The following GRIK2 variants were observed in gnomAD, a reference collection of about 807,000 sequenced individuals.
GRIK2 encodes the protein glutamate receptor ionotropic, kainate 2.
A neutral mutation model predicts 100.3 loss-of-function variants in GRIK2; 32 were observed. The ratio of observed to expected loss-of-function variants is 0.32; its 90% confidence interval spans 0.24 to 0.43. The LOEUF is 0.43. Ranked by LOEUF, GRIK2 falls within the 20% of genes least tolerant of loss-of-function variation. The probability of loss-of-function intolerance (pLI) is 1.00; values close to 1 mark genes in which losing one functional copy is unlikely to be tolerated. For synonymous variants in GRIK2, 417 were observed against 389.4 expected (o/e 1.07, Z -0.83); for missense variants, 843 against 1,114.9 (o/e 0.76, Z 3.47).
intron 14 of GRIK2, among the ~76,000 whole-genome samples, chr6:102,001,363 C>T (rs182816633): frequency 7.9e-5 from 12 of 151,860 alleles, no homozygotes; most frequent in Non-Finnish European, 1.6e-4. Flanking sequence ...CCTTGTTCCC[C>T]ACCCCCCGAC....
rs6908207 is a variant in GRIK2, at chr6:101,575,185, A to G, written c.116-46764A>G. ...AACGAAATTCTCCCCAACTCTCAAA[A>G]AATTAAGTTCCTCTATGATAGATGG... On this transcript the variant is annotated intron_variant, in intron 2 of 16. Coordinates refer to ENST00000369134, the MANE Select transcript of GRIK2 (RefSeq NM_021956.5). Among the ~76,000 whole-genome samples the G allele has an allele frequency of 5.2e-3, 790 of 151,992 alleles. 10 individuals are homozygous for G. The highest frequency in any genetic ancestry group is 0.018 in the African/African-American group (760 of 41,546).
At chr6:101,851,859 G>A (rs1298810738) in intron 10 of GRIK2, among the ~76,000 whole-genome samples, 2 of 151,008 alleles carry the variant, frequency 1.3e-5, no homozygotes, top group East Asian at 3.9e-4. Flanking sequence ...GTTTGGAAAT[G>A]GTCAGTAAGA....
intron 4 of GRIK2, among the ~76,000 whole-genome samples, chr6:101,635,288 A>G (rs1780950163): frequency 6.6e-6 from 1 of 152,114 alleles, no homozygotes; most frequent in African/African-American, 2.4e-5. Flanking sequence ...ACAGTTGGTT[A>G]TGCTTGAACT....
At chr6:101,564,603 A>G (rs922396607) in intron 2 of GRIK2, among the ~76,000 whole-genome samples, 1 of 152,104 alleles carries the variant, frequency 6.6e-6, no homozygotes, top group African/African-American at 2.4e-5. Flanking sequence ...AGTTGACCAA[A>G]CTGTCATCTC....
At position 101,454,097 on chromosome 6, in the gene GRIK2, A is replaced by G. The variant is rs1338167; in HGVS notation, c.115+54705A>G. Among the ~76,000 whole-genome samples the G allele has an allele frequency of 5.9e-5, 9 of 151,984 alleles. 1 individual carries two copies. The South Asian group carries it at 1.5e-3, about 25-fold the overall frequency. ...GTTATTCCTACCGTAGACTGAAGGAAGAAGGCCGATTTTCCTGTTGCCTCC... is the reference window on the plus strand; with the variant it reads ...GTTATTCCTACCGTAGACTGAAGGAGGAAGGCCGATTTTCCTGTTGCCTCC... On this transcript the variant is annotated intron_variant, in intron 2 of 16. Transcript: ENST00000369134.
At chr6:101,815,680 C>T (rs1002946552) in intron 9 of GRIK2, among the ~76,000 whole-genome samples, 15 of 151,474 alleles carry the variant, frequency 9.9e-5, no homozygotes, top group African/African-American at 3.2e-4. Flanking sequence ...TAGTGGTTCC[C>T]GAATAGACAA....
chr6:101,397,309 A>C (rs1379689776), intron 1 of GRIK2, among the ~76,000 whole-genome samples: 2 of 152,222 alleles, frequency 1.3e-5, no homozygotes, highest in African/African-American at 2.4e-5. Context: ...AACAAACAGA[A>C]TGGAATAAAT....
intron 2 of GRIK2, among the ~76,000 whole-genome samples, chr6:101,446,207 A>T (rs953360663): frequency 8.6e-5 from 13 of 151,912 alleles, no homozygotes; most frequent in Non-Finnish European, 1.5e-5. Flanking sequence ...ACTGCTCTGT[A>T]TCTAGTTAGG....
At chr6:101,993,272 T>C (rs919670687) in intron 14 of GRIK2, 1 of 151,426 alleles carries the variant, frequency 6.6e-6, no homozygotes, top group African/African-American at 2.4e-5. Flanking sequence ...TTACATGACC[T>C]ATGATTAATC....
At chr6:101,875,092 T>A (rs1244290954) in intron 11 of GRIK2, among the ~76,000 whole-genome samples, 6 of 152,114 alleles carry the variant, frequency 3.9e-5, no homozygotes, top group Non-Finnish European at 7.3e-5. Flanking sequence ...TTTATTTCTT[T>A]CTCCTGCCTG....
At chr6:102,001,337 C>T (rs909842195) in intron 14 of GRIK2, among the ~76,000 whole-genome samples, 1 of 151,828 alleles carries the variant, frequency 6.6e-6, no homozygotes, top group African/African-American at 2.4e-5. Flanking sequence ...GGTATTTGTC[C>T]CAATGCTCTC....
chr6:101,472,245 A>G (rs1771981920), intron 2 of GRIK2, among the ~76,000 whole-genome samples: 2 of 151,800 alleles, frequency 1.3e-5, no homozygotes, highest in Non-Finnish European at 3.0e-5. Context: ...GGAAATTTCC[A>G]TGCCAAAAAT....
chr6:101,487,401 G>A (rs1266839187), intron 2 of GRIK2, among the ~76,000 whole-genome samples: 1 of 146,112 alleles, frequency 6.8e-6, no homozygotes, highest in African/African-American at 2.6e-5. Flanking sequence ...TTTAAAACTG[G>A]AGGTAATATT....
intron 4 of GRIK2, among the ~76,000 whole-genome samples, chr6:101,674,771 C>G (rs1246931507): frequency 6.6e-6 from 1 of 152,116 alleles, no homozygotes; most frequent in Non-Finnish European, 1.5e-5. Flanking sequence ...ATTTTTGCAG[C>G]TGTTATGTGT....
chr6:101,957,796 A>G (rs1397231304), intron 14 of GRIK2, among the ~76,000 whole-genome samples: 1 of 152,034 alleles, frequency 6.6e-6, no homozygotes. Context: ...TCTTTTCTCC[A>G]GTGTATACTT....
chr6:101,849,116 A>G (rs1783970763), intron 10 of GRIK2, among the ~76,000 whole-genome samples: 1 of 151,968 alleles, frequency 6.6e-6, no homozygotes, highest in South Asian at 2.1e-4. Context: ...GCTGCCTTAT[A>G]CTATCTAGTA....
chr6:101,753,951 T>A (rs1359775359), intron 7 of GRIK2, among the ~76,000 whole-genome samples: 1 of 152,106 alleles, frequency 6.6e-6, no homozygotes, highest in Non-Finnish European at 1.5e-5. Flanking sequence ...ATTAATGTTT[T>A]TGAATTAATT....
intron 14 of GRIK2, among the ~76,000 whole-genome samples, chr6:101,934,584 T>C (rs190811032): frequency 6.2e-4 from 94 of 151,968 alleles, no homozygotes; most frequent in African/African-American, 2.0e-3. Flanking sequence ...AACTTTTCCA[T>C]TGAGAGATAA....
intron 2 of GRIK2, among the ~76,000 whole-genome samples, chr6:101,467,013 T>C (rs1031810641): frequency 3.9e-5 from 6 of 152,204 alleles, no homozygotes; most frequent in East Asian, 1.9e-4. Context: ...ATAGTAGCTG[T>C]CTTAGATGAC....
Sources: gnomAD v4.1 joint callset for allele counts (sites outside exome capture counted in the v4.1 genomes callset) on GRCh38, gnomAD v4.1.1 for gene constraint, MANE v1.5 for transcripts, NCBI Gene and HGNC (gene_info 2026-07-23, HGNC 2026-07-21) for gene names.